The following PALD1 variants were observed in gnomAD, a reference collection of about 807,000 sequenced individuals.
The protein encoded by PALD1 is paladin.
A neutral mutation model predicts 96.0 loss-of-function variants in PALD1; 57 were observed. That is an observed-to-expected ratio of 0.59 (90% CI 0.48 to 0.74). The LOEUF (loss-of-function observed/expected upper bound fraction) is 0.74, where lower values mean the gene tolerates loss of function less well. Ranked by LOEUF, PALD1 falls within the 30% of genes least tolerant of loss-of-function variation. PALD1 has a pLI of 0.00. For synonymous variants in PALD1, 464 were observed against 473.6 expected (o/e 0.98, Z 0.26); for missense variants, 1,063 against 1,143.7 (o/e 0.93, Z 1.02).
upstream of PALD1, among the ~76,000 whole-genome samples, chr10:70,474,416 C>T (rs1444108532): frequency 1.3e-5 from 2 of 152,052 alleles, no homozygotes; most frequent in Non-Finnish European, 2.9e-5. Context: ...CAAAAATTAT[C>T]TGGGCGTGGT....
chr10:70,485,088 C>G (rs1294268339), intron 1 of PALD1, among the ~76,000 whole-genome samples: 5 of 152,140 alleles, frequency 3.3e-5, no homozygotes, highest in South Asian at 2.1e-4. Flanking sequence ...CTGTTGGGAT[C>G]ATACTTCACA....
intron 1 of PALD1, among the ~76,000 whole-genome samples, chr10:70,493,516 C>G (rs1846133482): frequency 6.6e-6 from 1 of 152,176 alleles, no homozygotes; most frequent in Non-Finnish European, 1.5e-5. Context: ...AGGACCAGTT[C>G]CTCTTTTGGG....
intron 1 of PALD1, among the ~76,000 whole-genome samples, chr10:70,480,177 A>C (rs1451155208): frequency 2.0e-5 from 3 of 152,118 alleles, no homozygotes; most frequent in Admixed American, 6.5e-5. Flanking sequence ...GTTCTCCTGC[A>C]CTCATCCCCA....
intron 18 of PALD1, among the ~76,000 whole-genome samples, chr10:70,559,247 G>C (rs188829443): frequency 6.6e-6 from 1 of 152,070 alleles, no homozygotes; most frequent in Admixed American, 6.6e-5. Flanking sequence ...GCTGGCATCC[G>C]GGGGAAGAAT....
chr10:70,522,424 C>T (rs574350286), intron 1 of PALD1, among the ~76,000 whole-genome samples: 7 of 152,120 alleles, frequency 4.6e-5, no homozygotes, highest in South Asian at 2.1e-4. Flanking sequence ...GTCAGCCCAG[C>T]GTCTGTAGGC....
chr10:70,463,412 C>T, the PALD1 span, among the ~76,000 whole-genome samples: 84 of 151,966 alleles, frequency 5.5e-4, 1 homozygote, highest in African/African-American at 2.0e-3. Flanking sequence ...AAAAAAAGAA[C>T]AGGTAAAGCA....
Position 70,534,409 on chromosome 10 carries a change from G to T in PALD1, c.1023-16G>T. On this transcript the variant is annotated splice_polypyrimidine_tract_variant and intron_variant, in intron 8 of 19. Coordinates refer to ENST00000263563, the MANE Select transcript of PALD1 (RefSeq NM_014431.3). ...CTTTGGAAGAGCCTGCTAATGTACT[G>T]ACCCTGCCTCGACAGGGCTGCCCCC... 2 of 1,577,552 alleles carry T rather than the reference G, an allele frequency of 1.3e-6. No homozygotes were observed. The highest frequency in any genetic ancestry group is 1.7e-6 in the Non-Finnish European group (2 of 1,154,266).
intron 18 of PALD1, among the ~76,000 whole-genome samples, chr10:70,552,929 G>A (rs558578099): frequency 1.3e-5 from 2 of 152,272 alleles, no homozygotes; most frequent in African/African-American, 2.4e-5. Flanking sequence ...TAAACTGGTT[G>A]TCTTCCTGGG....
chr10:70,536,683 C>G (rs909236143), intron 10 of PALD1, among the ~76,000 whole-genome samples: 16 of 152,122 alleles, frequency 1.1e-4, no homozygotes, highest in African/African-American at 3.6e-4. Flanking sequence ...CAGCAGGGAC[C>G]CTGAAGCCTG....
intron 5 of PALD1, among the ~76,000 whole-genome samples, chr10:70,531,857 C>T (rs1465676631): frequency 6.6e-6 from 1 of 151,922 alleles, no homozygotes; most frequent in Non-Finnish European, 1.5e-5. Context: ...CTTGCGCATG[C>T]CTATAATCCT....
chr10:70,534,343 G>A, intron 8 of PALD1, 82 bp from the exon 9 acceptor site: 3 of 939,012 alleles, frequency 3.2e-6, no homozygotes, highest in Non-Finnish European at 5.0e-6. Context: ...TCCCCCAGCG[G>A]CCATATGAGT....
At chr10:70,463,182 A>G in the PALD1 span, among the ~76,000 whole-genome samples, 1 of 152,198 alleles carries the variant, frequency 6.6e-6, no homozygotes, top group Non-Finnish European at 1.5e-5. Flanking sequence ...AGGCGGGCAG[A>G]TCACAAGGTC....
At chr10:70,495,116 C>T (rs1014282063) in intron 1 of PALD1, among the ~76,000 whole-genome samples, 2 of 152,240 alleles carry the variant, frequency 1.3e-5, no homozygotes, top group East Asian at 1.9e-4. Flanking sequence ...CTTCCCACCG[C>T]AGGGCATCTG....
intron 1 of PALD1, among the ~76,000 whole-genome samples, chr10:70,520,685 C>CTTTTTTTTTTTTTTTTTTT (rs10545684): frequency 5.7e-5 from 5 of 87,684 alleles, no homozygotes; most frequent in Non-Finnish European, 8.7e-5. Context: ...TTCTTTCTTT[C>CTTTTTTTTTTTTTTTTTTT]TTTTTTTTTT....
In PALD1 at chr10:70,568,306, A is replaced by C. The variant is rs967093373; in HGVS notation, c.*1573A>C. The C allele has an allele frequency of 6.6e-6, 1 of 152,310 alleles. No individual in the cohort carries two copies. Among genetic ancestry groups the C allele is most frequent in the Non-Finnish European group, 1.5e-5 (1 of 68,036 alleles). The allele number at this position is 152,310 out of a possible 1,614,324, so 9.4% of individuals were successfully genotyped here. A position where few individuals can be genotyped will look rare whatever the true frequency, so the allele number is the denominator to read the frequency against. On this transcript the variant is annotated 3_prime_UTR_variant, in exon 20 of 20. Transcript: ENST00000263563. ...TGTGTTGGGACCACTGGCTGATCAC[A>C]TCACCTCTCTGCCTCAGTTTCCCCA...
intron 1 of PALD1, among the ~76,000 whole-genome samples, chr10:70,520,685 C>CTTTTTTTTTTTTT (rs10545684): frequency 1.9e-4 from 17 of 87,670 alleles, no homozygotes; most frequent in South Asian, 5.3e-4. Context: ...TTCTTTCTTT[C>CTTTTTTTTTTTTT]TTTTTTTTTT....
chr10:70,468,702 C>CTGTGTGTGTG, the PALD1 span, among the ~76,000 whole-genome samples: 1,443 of 123,858 alleles, frequency 0.012, 37 homozygotes, highest in African/African-American at 0.032. Context: ...TGAGGCAGGA[C>CTGTGTGTGTG]TGTGTGTGTG....
intron 1 of PALD1, among the ~76,000 whole-genome samples, chr10:70,498,737 G>A (rs1397148251): frequency 6.6e-6 from 1 of 152,024 alleles, no homozygotes; most frequent in Non-Finnish European, 1.5e-5. Context: ...GACCAGCCTG[G>A]CTAACATGGT....
At chr10:70,490,967 T>C (rs957417847) in intron 1 of PALD1, among the ~76,000 whole-genome samples, 14 of 152,116 alleles carry the variant, frequency 9.2e-5, no homozygotes, top group African/African-American at 3.4e-4. Context: ...ACTTCTTTTT[T>C]TTTTGGAGAC....
Sources: allele counts gnomAD v4.1 joint callset (sites outside exome capture counted in the v4.1 genomes callset), GRCh38; gene constraint gnomAD v4.1.1; transcripts MANE v1.5; gene names NCBI Gene and HGNC (gene_info 2026-07-23, HGNC 2026-07-21).